Variants in STK33 observed in about 807,000 individuals in gnomAD.
STK33 encodes the protein serine/threonine-protein kinase 33.
STK33 carries 52 observed loss-of-function variants against 58.0 expected under a neutral mutation model. The observed-to-expected ratio is 0.90, with a 90% CI of 0.72 to 1.13. The LOEUF (loss-of-function observed/expected upper bound fraction) is 1.13. Ranked by LOEUF, STK33 falls within the 50% of genes most tolerant of loss-of-function variation. The pLI is 0.00. For missense variants in STK33, 630 were observed against 604.2 expected (o/e 1.04, Z -0.45); for synonymous variants, 215 against 200.1 (o/e 1.07, Z -0.63).
At chr11:8,586,235 A>AC (rs1382483584) in intron 1 of STK33, among the ~76,000 whole-genome samples, 4 of 151,796 alleles carry the variant, frequency 2.6e-5, no homozygotes, top group African/African-American at 9.7e-5. Flanking sequence ...AAAAAAAAAA[A>AC]AACACCTGAC....
At chr11:8,393,813 TATG>T (rs1848907906) in intron 15 of STK33, among the ~76,000 whole-genome samples, 1 of 152,238 alleles carries the variant, frequency 6.6e-6, no homozygotes, top group Non-Finnish European at 1.5e-5. Flanking sequence ...GCACTTAATA[TATG>T]TTTGCCTAGT....
chr11:8,489,272 G>GAAAAAAAAAAA (rs60919146), intron 1 of STK33, among the ~76,000 whole-genome samples: 2 of 126,588 alleles, frequency 1.6e-5, no homozygotes, highest in Non-Finnish European at 3.3e-5. Context: ...AAAAAAAAAA[G>GAAAAAAAAAAA]AAAAAAAAAA....
chr11:8,363,648 G>A, the STK33 span, among the ~76,000 whole-genome samples: 2 of 152,240 alleles, frequency 1.3e-5, no homozygotes, highest in African/African-American at 4.8e-5. Flanking sequence ...TTGCACAGCG[G>A]TGCGTGCAGG....
At chr11:8,521,629 A>G (rs532400798) in intron 1 of STK33, among the ~76,000 whole-genome samples, 107 of 152,334 alleles carry the variant, frequency 7.0e-4, no homozygotes, top group African/African-American at 2.5e-3. Context: ...GACAAATGGG[A>G]TCTAATTAAA....
At chr11:8,349,673 G>A in the STK33 span, among the ~76,000 whole-genome samples, 2 of 152,250 alleles carry the variant, frequency 1.3e-5, no homozygotes, top group African/African-American at 2.4e-5. Context: ...AAGGGCTGGA[G>A]TGTGAAAGCC....
intron 1 of STK33, among the ~76,000 whole-genome samples, chr11:8,505,327 G>A (rs1051672678): frequency 1.3e-5 from 2 of 152,220 alleles, no homozygotes; most frequent in Non-Finnish European, 2.9e-5. Context: ...GAATGTTAAA[G>A]TTGGAAGGAG....
intron 6 of STK33, among the ~76,000 whole-genome samples, chr11:8,471,599 C>G (rs540298761): frequency 6.6e-6 from 1 of 152,182 alleles, no homozygotes; most frequent in South Asian, 2.1e-4. Context: ...TAATTTCCTT[C>G]TTTATACTCT....
downstream of STK33, among the ~76,000 whole-genome samples, chr11:8,388,384 G>A (rs995015634): frequency 2.0e-5 from 3 of 152,210 alleles, no homozygotes; most frequent in South Asian, 2.1e-4. Flanking sequence ...CCGCAGATGC[G>A]GCCTCGCTTT....
downstream of STK33, among the ~76,000 whole-genome samples, chr11:8,387,125 G>A (rs1848554874): frequency 6.6e-6 from 1 of 152,224 alleles, no homozygotes; most frequent in Non-Finnish European, 1.5e-5. Context: ...TATAGTGCTT[G>A]AGTCTCGACC....
At chr11:8,388,508 T>C (rs1451602694), downstream of STK33, among the ~76,000 whole-genome samples, 7 of 152,238 alleles carry the variant, frequency 4.6e-5, no homozygotes, top group Non-Finnish European at 7.3e-5. Context: ...TGCAGGATCC[T>C]GAAGAGTACA....
At chr11:8,451,072 A>T (rs1229368901) in intron 11 of STK33, among the ~76,000 whole-genome samples, 1 of 152,226 alleles carries the variant, frequency 6.6e-6, no homozygotes, top group Non-Finnish European at 1.5e-5. Context: ...TTTAAAAGAT[A>T]GGTAATATCA....
chr11:8,473,746 A>AT (rs1949004503), intron 5 of STK33, among the ~76,000 whole-genome samples: 1 of 152,230 alleles, frequency 6.6e-6, no homozygotes, highest in South Asian at 2.1e-4. Context: ...CAAATCAGAA[A>AT]TAACAGTCAA....
intron 1 of STK33, among the ~76,000 whole-genome samples, chr11:8,561,247 T>C (rs1417217443): frequency 1.3e-5 from 2 of 152,216 alleles, no homozygotes; most frequent in Non-Finnish European, 2.9e-5. Context: ...CCTTGAATGT[T>C]TGAGAATATT....
chr11:8,483,612 G>T (rs552064769), intron 1 of STK33, among the ~76,000 whole-genome samples: 58 of 152,268 alleles, frequency 3.8e-4, no homozygotes, highest in South Asian at 1.5e-3. Context: ...GCAAGCAATT[G>T]AAACTCTGCA....
chr11:8,351,654 G>C, the STK33 span, among the ~76,000 whole-genome samples: 1 of 152,222 alleles, frequency 6.6e-6, no homozygotes, highest in Admixed American at 6.5e-5. Context: ...AGGCCTTCTC[G>C]GGGCAGGCCC....
intron 11 of STK33, among the ~76,000 whole-genome samples, chr11:8,452,080 G>C (rs1479840368): frequency 6.6e-6 from 1 of 152,124 alleles, no homozygotes; most frequent in Non-Finnish European, 1.5e-5. Context: ...GCAGGTGCCT[G>C]TAATCCCAGC....
intron 15 of STK33, among the ~76,000 whole-genome samples, chr11:8,401,618 A>G (rs1937979025): frequency 6.6e-6 from 1 of 152,218 alleles, no homozygotes; most frequent in African/African-American, 2.4e-5. Context: ...AAATTGACAA[A>G]TGGGATCTAA....
chr11:8,563,979 A>G (rs1346803893), intron 1 of STK33, among the ~76,000 whole-genome samples: 2 of 152,214 alleles, frequency 1.3e-5, no homozygotes, highest in African/African-American at 4.8e-5. Context: ...ATGGTGAGGT[A>G]GACAAGGAGC....
chr11:8,474,664 G>T lies in STK33; in HGVS notation c.225+17C>A. 6.3e-6 allele frequency: 10 copies of T among 1,575,552 alleles called. No individual in the cohort carries two copies. The highest frequency in any genetic ancestry group is 7.8e-6 in the Non-Finnish European group (9 of 1,157,098). ...GGATGTCAACTTGTGCTTAGATGTG[G>T]AATCTTTGATATTTACCAAATCTTT... On this transcript the variant is annotated intron_variant, in intron 5 of 15. Transcript: ENST00000687296.
Sources: allele counts gnomAD v4.1 joint callset (sites outside exome capture counted in the v4.1 genomes callset), GRCh38; gene constraint gnomAD v4.1.1; transcripts MANE v1.5; gene names NCBI Gene and HGNC (gene_info 2026-07-23, HGNC 2026-07-21).